The following CACNB4 variants were observed in gnomAD, a reference collection of about 807,000 sequenced individuals.
CACNB4 encodes voltage-dependent L-type calcium channel subunit beta-4.
A neutral mutation model predicts 71.2 loss-of-function variants in CACNB4; 32 were observed. That is an observed-to-expected ratio of 0.45 (90% CI 0.34 to 0.60). CACNB4 has a LOEUF of 0.60. Among genes scored for constraint, CACNB4 ranks in the 20% least tolerant of loss-of-function variants. The pLI, the probability that CACNB4 is intolerant of heterozygous loss-of-function variation, is 0.01. For synonymous variants in CACNB4, 231 were observed against 236.9 expected, an observed-to-expected ratio of 0.97 and a Z score of 0.23; for missense variants, 464 against 647.9, an observed-to-expected ratio of 0.72 and a Z score of 3.08.
chr2:151,913,349 A>G (rs1307781553), intron 2 of CACNB4, among the ~76,000 whole-genome samples: 2 of 152,174 alleles, frequency 1.3e-5, no homozygotes, highest in African/African-American at 2.4e-5. Flanking sequence ...GAACTCTTAC[A>G]GGGCAGGACT....
intron 2 of CACNB4, among the ~76,000 whole-genome samples, chr2:151,954,466 A>G (rs999644933): frequency 1.3e-5 from 2 of 152,234 alleles, no homozygotes; most frequent in Non-Finnish European, 2.9e-5. Flanking sequence ...AAACTAAAAT[A>G]TCTTTGTTCT....
At chr2:151,855,132 G>A (rs1021615879) in intron 11 of CACNB4, 92 bp downstream of exon 11, 5 of 748,356 alleles carry the variant, frequency 6.7e-6, no homozygotes, top group South Asian at 5.7e-5. Flanking sequence ...TCAGCAAGAC[G>A]TTCTCCTTTG....
At chr2:152,046,932 C>T (rs894182196) in intron 2 of CACNB4, among the ~76,000 whole-genome samples, 2 of 152,090 alleles carry the variant, frequency 1.3e-5, no homozygotes, top group Non-Finnish European at 2.9e-5. Context: ...AAGATTCAGG[C>T]AAAGTGAAAT....
At chr2:151,877,215 T>C (rs2099846655) in intron 4 of CACNB4, among the ~76,000 whole-genome samples, 1 of 151,888 alleles carries the variant, frequency 6.6e-6, no homozygotes, top group Non-Finnish European at 1.5e-5. Context: ...TAGTAAATAT[T>C]TCAGGCTTTG....
At chr2:152,077,138 G>A (rs529028027) in intron 2 of CACNB4, among the ~76,000 whole-genome samples, 1 of 152,308 alleles carries the variant, frequency 6.6e-6, no homozygotes, top group Non-Finnish European at 1.5e-5. Context: ...AGAACATAAA[G>A]AGCCGAGCAC....
At chr2:151,875,892 G>A (rs1457115572) in intron 5 of CACNB4, among the ~76,000 whole-genome samples, 1 of 141,720 alleles carries the variant, frequency 7.1e-6, no homozygotes, top group Non-Finnish European at 1.6e-5. Context: ...GCCGGGCAGA[G>A]GGGCTCCTCA....
At chr2:152,013,877 G>T (rs950037859) in intron 2 of CACNB4, among the ~76,000 whole-genome samples, 1 of 152,198 alleles carries the variant, frequency 6.6e-6, no homozygotes, top group Admixed American at 6.5e-5. Flanking sequence ...CCATATGGAT[G>T]AAATGCTTCT....
chr2:152,016,668 C>T (rs1056521369), intron 2 of CACNB4, among the ~76,000 whole-genome samples: 2 of 152,246 alleles, frequency 1.3e-5, no homozygotes, highest in South Asian at 4.1e-4. Flanking sequence ...GGTCACGATA[C>T]ATCACTCACC....
chr2:152,068,332 T>G (rs1316910604), intron 2 of CACNB4, among the ~76,000 whole-genome samples: 2 of 151,998 alleles, frequency 1.3e-5, no homozygotes, highest in African/African-American at 4.8e-5. Flanking sequence ...ACAAGGAAAT[T>G]TTTGTCCTTT....
intron 2 of CACNB4, among the ~76,000 whole-genome samples, chr2:152,058,364 C>T (rs35529845): frequency 0.42 from 64,302 of 152,024 alleles, 16,703 homozygotes; most frequent in Non-Finnish European, 0.59. Flanking sequence ...TGGAGGGCTC[C>T]GAAGAAGACA....
At chr2:151,878,581 AGT>A (rs1491364589) in intron 4 of CACNB4, among the ~76,000 whole-genome samples, 5 of 151,244 alleles carry the variant, frequency 3.3e-5, no homozygotes, top group Admixed American at 1.3e-4. Flanking sequence ...ACACACACAC[AGT>A]TAGCTGGGTA....
intron 2 of CACNB4, among the ~76,000 whole-genome samples, chr2:151,957,323 A>C (rs1279385207): frequency 8.8e-5 from 12 of 136,912 alleles, no homozygotes; most frequent in Non-Finnish European, 1.6e-4. Flanking sequence ...CCCTGATAAA[A>C]TATATTGTGT....
At chr2:151,924,538 T>C (rs760783895) in intron 2 of CACNB4, among the ~76,000 whole-genome samples, 1 of 149,854 alleles carries the variant, frequency 6.7e-6, no homozygotes, top group Non-Finnish European at 1.5e-5. Context: ...TGTGCCATCA[T>C]GGCTGCTATA....
chr2:151,999,380 T>TA, intron 2 of CACNB4, among the ~76,000 whole-genome samples: 2 of 151,474 alleles, frequency 1.3e-5, no homozygotes, highest in Non-Finnish European at 2.9e-5. Flanking sequence ...GTTATGGTTT[T>TA]TTTTTTTTCT....
At chr2:151,878,590 G>A (rs1302209266) in intron 4 of CACNB4, among the ~76,000 whole-genome samples, 2 of 22,066 alleles carry the variant, frequency 9.1e-5, no homozygotes, top group Non-Finnish European at 3.1e-4. Context: ...CAGTTAGCTG[G>A]GTATAGTAGT....
intron 2 of CACNB4, among the ~76,000 whole-genome samples, chr2:151,895,097 C>T (rs2099851688): frequency 5.4e-5 from 1 of 18,486 alleles, no homozygotes; most frequent in Admixed American, 5.5e-4. Context: ...CAAATAGCCC[C>T]ACACACACAC....
At chr2:152,033,312 G>A (rs1207164620) in intron 2 of CACNB4, among the ~76,000 whole-genome samples, 1 of 152,010 alleles carries the variant, frequency 6.6e-6, no homozygotes, top group African/African-American at 2.4e-5. Flanking sequence ...TGGTGTAGAC[G>A]GGCTGCCACC....
intron 2 of CACNB4, among the ~76,000 whole-genome samples, chr2:152,034,432 A>T (rs76349362): frequency 5.3e-4 from 81 of 152,296 alleles, no homozygotes; most frequent in Non-Finnish European, 8.5e-4. Context: ...CAGGCCACAC[A>T]GCAGGGGAAC....
At chr2:151,883,204 C>A in intron 3 of CACNB4, 47 bp downstream of exon 3, 3 of 1,605,782 alleles carry the variant, frequency 1.9e-6, no homozygotes, top group Non-Finnish European at 2.6e-6. Context: ...CTGGTAGCCA[C>A]TGAGCAACGA....
Sources: allele counts gnomAD v4.1 joint callset (sites outside exome capture counted in the v4.1 genomes callset), GRCh38; gene constraint gnomAD v4.1.1; transcripts MANE v1.5; gene names NCBI Gene and HGNC (gene_info 2026-07-23, HGNC 2026-07-21).